The following LHFPL2 variants were observed in gnomAD, a reference collection of about 807,000 sequenced individuals.
LHFPL2 encodes LHFPL tetraspan subfamily member 2 protein.
LHFPL2 carries 7 observed loss-of-function variants against 17.5 expected under a neutral mutation model. That is an observed-to-expected ratio of 0.40 (90% CI 0.23 to 0.75). LHFPL2 has a LOEUF of 0.75. Ranked by LOEUF, LHFPL2 falls within the 30% of genes least tolerant of loss-of-function variation. The pLI is 0.37. For synonymous variants in LHFPL2, 134 were observed against 116.2 expected (o/e 1.15, Z -0.99); for missense variants, 241 against 294.8 (o/e 0.82, Z 1.34).
At position 78,485,809 on chromosome 5, in the gene LHFPL2, T is replaced by G. The variant is rs1236319293; in HGVS notation, c.*3088A>C. On this transcript the variant is annotated 3_prime_UTR_variant, in exon 5 of 5. Coordinates refer to ENST00000380345, the MANE Select transcript of LHFPL2 (RefSeq NM_005779.3). ...ATGAAAGACTAGCATTAACTGGGCC[T>G]GGCGTGCGGGCTTAACTTTGACATA... 2 of 152,656 alleles carry G rather than the reference T, an allele frequency of 1.3e-5. No individual in the cohort carries two copies. Among genetic ancestry groups the G allele is most frequent in the Non-Finnish European group, 2.9e-5 (2 of 68,044 alleles). The allele number at this position is 152,656 out of a possible 1,614,324, so 9.5% of individuals were successfully genotyped here.
chr5:78,648,158 A>C lies in LHFPL2; in HGVS notation c.-350+341T>G, dbSNP rs546907015. Among the ~76,000 whole-genome samples the C allele has an allele frequency of 2.8e-4, 42 of 152,172 alleles. No individual in the cohort carries two copies. In the South Asian group the frequency reaches 8.3e-3, roughly 30 times the overall value. On this transcript the variant is annotated intron_variant, in intron 1 of 4. Transcript: ENST00000380345. This position sits in a 1 kb window ranked among gnomAD's most constrained non-coding sequence, Gnocchi z 5.4. ...CCTGGGACCCACGCGCCGCCGTCCG[A>C]AGCCCGCCAGCGACGCCCAGAGAGC...
At chr5:78,489,179 T>C in intron 4 of LHFPL2, 26 bp from the exon 5 acceptor site, 1 of 1,612,428 alleles carries the variant, frequency 6.2e-7, no homozygotes, top group South Asian at 1.1e-5. Flanking sequence ...GAAAACAGAT[T>C]AGAAAATCCC....
At chr5:78,498,295 A>G (rs1319967420) in intron 4 of LHFPL2, among the ~76,000 whole-genome samples, 1 of 152,088 alleles carries the variant, frequency 6.6e-6, no homozygotes, top group Non-Finnish European at 1.5e-5. Flanking sequence ...TTTCCAGTAG[A>G]TGTTTAGAAG....
chr5:78,616,176 G>A (rs1744598878), intron 2 of LHFPL2, among the ~76,000 whole-genome samples: 1 of 152,002 alleles, frequency 6.6e-6, no homozygotes, highest in Non-Finnish European at 1.5e-5. Flanking sequence ...CACCCAGGCT[G>A]AAGTGCAGTG....
chr5:78,512,136 T>C (rs1348108435), intron 3 of LHFPL2, among the ~76,000 whole-genome samples: 1 of 152,090 alleles, frequency 6.6e-6, no homozygotes, highest in African/African-American at 2.4e-5. Flanking sequence ...GTAACATAGA[T>C]GACACCGTTC....
chr5:78,586,537 T>C (rs1743409227), intron 2 of LHFPL2, among the ~76,000 whole-genome samples: 1 of 152,154 alleles, frequency 6.6e-6, no homozygotes. Context: ...CTGCCCTTTG[T>C]CTCAGGCACA....
intron 2 of LHFPL2, chr5:78,625,360 A>G (rs1377513071): frequency 6.6e-6 from 1 of 151,978 alleles, no homozygotes; most frequent in Non-Finnish European, 1.5e-5. Flanking sequence ...CTTCAAGCCT[A>G]TTTTTTCCAC....
At chr5:78,504,858 G>A (rs1754885204) in intron 4 of LHFPL2, among the ~76,000 whole-genome samples, 2 of 152,350 alleles carry the variant, frequency 1.3e-5, no homozygotes, top group South Asian at 2.1e-4. Flanking sequence ...TGGTCAGACT[G>A]GTGGGGCAGC....
chr5:78,553,112 C>T (rs1756489650), intron 3 of LHFPL2, among the ~76,000 whole-genome samples: 1 of 152,206 alleles, frequency 6.6e-6, no homozygotes, highest in Admixed American at 6.5e-5. Context: ...ACAAAGCTTT[C>T]AGAACTTTCA....
intron 1 of LHFPL2, among the ~76,000 whole-genome samples, chr5:78,635,057 C>T (rs1745385051): frequency 6.6e-6 from 1 of 152,140 alleles, no homozygotes; most frequent in African/African-American, 2.4e-5. Flanking sequence ...AGTTCTGGTC[C>T]CTCGGGAGTG....
At chr5:78,576,294 CAAA>C (rs746590895) in intron 2 of LHFPL2, among the ~76,000 whole-genome samples, 1 of 93,116 alleles carries the variant, frequency 1.1e-5, no homozygotes. Context: ...GACTCCATCT[CAAA>C]AAAAAAAAAA....
chr5:78,604,023 G>C (rs1448506306), intron 2 of LHFPL2, among the ~76,000 whole-genome samples: 1 of 152,060 alleles, frequency 6.6e-6, no homozygotes, highest in Non-Finnish European at 1.5e-5. Context: ...GGGCAACATA[G>C]CAAGATCCTA....
At chr5:78,576,439 C>A (rs1757139518) in intron 2 of LHFPL2, among the ~76,000 whole-genome samples, 1 of 152,166 alleles carries the variant, frequency 6.6e-6, no homozygotes, top group Non-Finnish European at 1.5e-5. Flanking sequence ...CGCTGAGCAC[C>A]TTTATCAGCC....
intron 4 of LHFPL2, among the ~76,000 whole-genome samples, chr5:78,493,693 A>G (rs868600745): frequency 2.4e-4 from 36 of 152,342 alleles, no homozygotes; most frequent in African/African-American, 8.2e-4. Context: ...TGTCAGCAAG[A>G]AAGAAAATAG....
intron 2 of LHFPL2, among the ~76,000 whole-genome samples, chr5:78,566,574 C>T (rs1478278754): frequency 1.3e-5 from 2 of 152,018 alleles, no homozygotes; most frequent in African/African-American, 4.8e-5. Flanking sequence ...TCTCTTGCCT[C>T]AGCCTCCTGA....
chr5:78,529,698 G>GA (rs1755725681), intron 3 of LHFPL2, among the ~76,000 whole-genome samples: 1 of 152,010 alleles, frequency 6.6e-6, no homozygotes. Context: ...TACATGACGA[G>GA]ACAGATGAAA....
At chr5:78,614,961 A>C (rs1215857628) in intron 2 of LHFPL2, among the ~76,000 whole-genome samples, 1 of 152,224 alleles carries the variant, frequency 6.6e-6, no homozygotes, top group African/African-American at 2.4e-5. Flanking sequence ...CTGGCTCCAA[A>C]GCCTGGGCTT....
At chr5:78,623,624 C>T (rs1744935042) in intron 2 of LHFPL2, among the ~76,000 whole-genome samples, 1 of 152,138 alleles carries the variant, frequency 6.6e-6, no homozygotes, top group Non-Finnish European at 1.5e-5. Flanking sequence ...GCTTAAGGCT[C>T]ATAGCTGGGG....
intron 3 of LHFPL2, among the ~76,000 whole-genome samples, chr5:78,528,591 C>A (rs1755689682): frequency 6.6e-6 from 1 of 152,176 alleles, no homozygotes; most frequent in Non-Finnish European, 1.5e-5. Context: ...TAACTCATTA[C>A]CATGTTTGTA....
Sources: allele counts gnomAD v4.1 joint callset (sites outside exome capture counted in the v4.1 genomes callset), GRCh38; gene constraint gnomAD v4.1.1; non-coding constraint Gnocchi (gnomAD v3.1); transcripts MANE v1.5; gene names NCBI Gene and HGNC (gene_info 2026-07-23, HGNC 2026-07-21).